The following MAP3K20 variants were observed in gnomAD, a reference collection of about 807,000 sequenced individuals.
The protein encoded by MAP3K20 is HCCS-4.
A neutral mutation model predicts 85.7 loss-of-function variants in MAP3K20; 40 were observed. That is an observed-to-expected ratio of 0.47 (90% CI 0.36 to 0.61). MAP3K20 has a LOEUF of 0.61. Ranked by LOEUF, MAP3K20 falls within the 20% of genes least tolerant of loss-of-function variation. The pLI is 0.00. For missense variants in MAP3K20, 817 were observed against 961.7 expected, an observed-to-expected ratio of 0.85 and a Z score of 1.99; for synonymous variants, 325 against 327.7, an observed-to-expected ratio of 0.99 and a Z score of 0.09.
chr2:173,264,551 C>T (rs1455461305), intron 19 of MAP3K20, among the ~76,000 whole-genome samples: 2 of 152,284 alleles, frequency 1.3e-5, no homozygotes, highest in East Asian at 1.9e-4. Context: ...TCTGCTTTGG[C>T]CAGAATGGAG....
At chr2:173,078,386 G>A (rs1686924485) in intron 1 of MAP3K20, among the ~76,000 whole-genome samples, 1 of 152,138 alleles carries the variant, frequency 6.6e-6, no homozygotes, top group African/African-American at 2.4e-5. Flanking sequence ...AATGTAGTAG[G>A]AACAGTTAAG....
rs142249616 is a variant in MAP3K20, at chr2:173,155,796, C to G, written c.160-14009C>G. Reference sequence around the variant, plus strand: ...ATGTTGTTGTGGTACCCTAGCGACTCTTCCATTAAACGGAACCTTGATCTC... The same window carrying G: ...ATGTTGTTGTGGTACCCTAGCGACTGTTCCATTAAACGGAACCTTGATCTC... On this transcript the variant is annotated intron_variant, in intron 2 of 19. Transcript: ENST00000375213. 2.6e-5 allele frequency among the ~76,000 whole-genome samples: 4 copies of G among 152,284 alleles called. No homozygotes were observed. The East Asian group carries it at 7.7e-4, about 29-fold the overall frequency.
chr2:173,191,500 C>T (rs1051855664), intron 7 of MAP3K20, among the ~76,000 whole-genome samples: 1 of 152,142 alleles, frequency 6.6e-6, no homozygotes, highest in Non-Finnish European at 1.5e-5. Context: ...TGTGGACTCT[C>T]TCTGTAATTT....
At chr2:173,089,705 C>T (rs1687239534) in intron 1 of MAP3K20, among the ~76,000 whole-genome samples, 1 of 152,044 alleles carries the variant, frequency 6.6e-6, no homozygotes, top group Admixed American at 6.6e-5. Context: ...GTCTCAGCCT[C>T]CCAAGAGCTG....
At chr2:173,091,925 A>G (rs1272191157) in intron 2 of MAP3K20, among the ~76,000 whole-genome samples, 3 of 152,256 alleles carry the variant, frequency 2.0e-5, no homozygotes, top group Non-Finnish European at 4.4e-5. Flanking sequence ...ACTCAGCAGC[A>G]TTGATAACTT....
chr2:173,215,934 A>G (rs1284978774), intron 10 of MAP3K20: 1 of 152,268 alleles, frequency 6.6e-6, no homozygotes, highest in African/African-American at 2.4e-5. Flanking sequence ...TGATTATGCC[A>G]TCACAACACA....
chr2:173,230,562 G>C (rs1452437236), intron 12 of MAP3K20, among the ~76,000 whole-genome samples: 2 of 152,166 alleles, frequency 1.3e-5, no homozygotes, highest in Non-Finnish European at 2.9e-5. Context: ...TTTTTGAGAG[G>C]CTGCACTCAG....
intron 16 of MAP3K20, among the ~76,000 whole-genome samples, chr2:173,246,670 C>T (rs1054113899): frequency 1.3e-5 from 2 of 152,140 alleles, no homozygotes; most frequent in African/African-American, 2.4e-5. Context: ...CCATTCCTTA[C>T]AAATGCTCAA....
chr2:173,183,474 C>T (rs556302474), intron 4 of MAP3K20, among the ~76,000 whole-genome samples: 193 of 152,108 alleles, frequency 1.3e-3, no homozygotes, highest in Non-Finnish European at 2.1e-3. Context: ...ACTTAGGCAT[C>T]GCTGTTGGAA....
intron 4 of MAP3K20, among the ~76,000 whole-genome samples, chr2:173,184,271 A>G (rs905225886): frequency 1.8e-4 from 28 of 152,224 alleles, no homozygotes; most frequent in African/African-American, 6.5e-4. Context: ...ATGTAAATGC[A>G]TATATAGGTA....
intron 1 of MAP3K20, among the ~76,000 whole-genome samples, chr2:173,081,944 C>T (rs893606676): frequency 1.3e-5 from 2 of 152,132 alleles, no homozygotes; most frequent in Non-Finnish European, 2.9e-5. Context: ...TCCCATTGAA[C>T]GCTCTTGGTG....
At chr2:173,255,552 GC>G (rs1485383200) in intron 16 of MAP3K20, among the ~76,000 whole-genome samples, 3 of 152,190 alleles carry the variant, frequency 2.0e-5, no homozygotes, top group African/African-American at 7.2e-5. Flanking sequence ...CCAGCAACAT[GC>G]CTAGAGCATA....
intron 16 of MAP3K20, 60 bp from the exon 17 acceptor site, chr2:173,258,639 G>T: frequency 1.3e-5 from 12 of 931,622 alleles, no homozygotes; most frequent in Middle Eastern, 3.1e-4. Context: ...AGGAAATATT[G>T]AGACTAAAAA....
intron 15 of MAP3K20, 94 bp from the exon 16 acceptor site, chr2:173,239,310 A>C (rs753557954): frequency 9.5e-6 from 5 of 524,712 alleles, no homozygotes; most frequent in Non-Finnish European, 1.4e-5. Flanking sequence ...ATTAGAATAG[A>C]AAAAAAAAAA....
chr2:173,222,192 C>T, intron 11 of MAP3K20: 1 of 977,364 alleles, frequency 1.0e-6, no homozygotes. Flanking sequence ...GGCAAGAGAA[C>T]AAGATCCTGT....
At chr2:173,229,580 C>G (rs1684471904) in intron 11 of MAP3K20, 109 bp from the exon 12 acceptor site, 1 of 1,478,308 alleles carries the variant, frequency 6.8e-7, no homozygotes, top group Non-Finnish European at 9.2e-7. Flanking sequence ...GCAGGAGGAA[C>G]CAAGCCAGAG....
intron 1 of MAP3K20, among the ~76,000 whole-genome samples, chr2:173,083,712 CAT>C (rs1471054567): frequency 1.3e-5 from 2 of 152,136 alleles, no homozygotes; most frequent in African/African-American, 4.8e-5. Context: ...TTTTTATACA[CAT>C]GATGACAAAG....
intron 16 of MAP3K20, among the ~76,000 whole-genome samples, chr2:173,244,488 G>A (rs1001043133): frequency 2.6e-5 from 4 of 152,114 alleles, no homozygotes; most frequent in Admixed American, 1.3e-4. Context: ...TAGTATCATC[G>A]TTGCTGATTC....
At chr2:173,233,540 G>C (rs920221015) in intron 14 of MAP3K20, among the ~76,000 whole-genome samples, 1 of 152,122 alleles carries the variant, frequency 6.6e-6, no homozygotes, top group Admixed American at 6.5e-5. Context: ...AGAGATCTTA[G>C]AATAAAATCA....
Sources: gnomAD v4.1 joint callset for allele counts (sites outside exome capture counted in the v4.1 genomes callset) on GRCh38, gnomAD v4.1.1 for gene constraint, MANE v1.5 for transcripts, NCBI Gene and HGNC (gene_info 2026-07-23, HGNC 2026-07-21) for gene names.